The following ATP13A1 variants were observed in gnomAD, a reference collection of about 807,000 sequenced individuals.
The protein encoded by ATP13A1 is endoplasmic reticulum transmembrane helix translocase.
Under a neutral mutation model 134.8 loss-of-function variants are expected in ATP13A1, and 55 were observed. The observed-to-expected ratio is 0.41, with a 90% CI of 0.33 to 0.51. The LOEUF is 0.51. Ranked by LOEUF, ATP13A1 falls within the 20% of genes least tolerant of loss-of-function variation. ATP13A1 has a pLI of 0.29. For missense variants in ATP13A1, 1,389 were observed against 1,652.8 expected, an observed-to-expected ratio of 0.84 and a Z score of 2.77; for synonymous variants, 775 against 725.1, an observed-to-expected ratio of 1.07 and a Z score of -1.10.
rs1220385994 is a variant in ATP13A1, at chr19:19,653,938, C to G, written c.1989+31G>C. ...GATGTCACGGGCTGCCCCGCGCCCC[C>G]ACCCCTTGCCCCAGGCTGGGGCCAG... On this transcript the variant is annotated intron_variant, in intron 14 of 25. Transcript: ENST00000357324. The surrounding 1 kb of genome is among the most constrained non-coding windows in gnomAD (Gnocchi z 4.2). 5 of 1,577,632 alleles carry G rather than the reference C, an allele frequency of 3.2e-6. No individual in the cohort carries two copies. The highest frequency in any genetic ancestry group is 4.3e-6 in the Non-Finnish European group (5 of 1,162,410).
chr19:19,648,251 G>A (rs916881830), intron 19 of ATP13A1, among the ~76,000 whole-genome samples: 5 of 151,948 alleles, frequency 3.3e-5, no homozygotes, highest in Non-Finnish European at 5.9e-5. Context: ...CCCGGGAGGC[G>A]GAGGTTGCAG....
rs202135912 is a variant in ATP13A1 at position 19,656,112 on chromosome 19, G to A, written c.1155C>T (p.Phe385=). The A allele has an allele frequency of 3.5e-5, 57 of 1,613,716 alleles. No individual in the cohort carries two copies. The highest frequency in any genetic ancestry group is 4.4e-5 in the Non-Finnish European group (52 of 1,179,794). ...LQADSRLHVI[F]GGTKVVQHIP... ...TGTGCTGCACCACCTTGGTGCCCCCGAAGATGACGTGCAGCCGGGAATCAG... is the reference window on the plus strand; with the variant it reads ...TGTGCTGCACCACCTTGGTGCCCCCAAAGATGACGTGCAGCCGGGAATCAG... The change falls in exon 8 of 26, where the codon TTC becomes TTT. Residue 385 remains phenylalanine (F), a synonymous_variant. Transcript: ENST00000357324. This position sits in a 1 kb window ranked among gnomAD's most constrained non-coding sequence, Gnocchi z 4.6.
Position 19,651,790 on chromosome 19 carries a change from A to G in ATP13A1, c.2234T>C (p.Met745Thr). 6.2e-7 allele frequency: 1 copy of G among 1,612,104 alleles called. No homozygotes were observed. Among genetic ancestry groups the G allele is most frequent in the Non-Finnish European group, 8.5e-7 (1 of 1,179,046 alleles). The change falls in exon 17 of 26, where the codon ATG (methionine) becomes ACG (threonine). Residue 745 changes from methionine to threonine, a missense_variant. Transcript: ENST00000357324. ...EIQNASHRVV[M>T]ITGDNPLTAC... ...AGTGAGCGGGTTGTCTCCCGTGATC[A>G]TGACCACCTTGGGTAAAGAGGGGCA...
chr19:19,651,334 T>C (rs767572835), intron 17 of ATP13A1: 1 of 178,004 alleles, frequency 5.6e-6, no homozygotes, highest in Non-Finnish European at 1.2e-5. Flanking sequence ...ACTCGGTACA[T>C]GGGCAGCTTG....
chr19:19,661,955 C>T lies in ATP13A1; in HGVS notation c.396+1316G>A, dbSNP rs944383949. 33 of 1,382,852 alleles carry T rather than the reference C, an allele frequency of 2.4e-5. No homozygotes were observed. The Middle Eastern group carries it at 5.8e-4, about 24-fold the overall frequency. The allele number at this position is 1,382,852 out of a possible 1,614,324, so 85.7% of individuals were successfully genotyped here. ...GCGGGCACTCTGCAGATATCATCTC[C>T]GCTTCTCAAGATGGCACCCAGTAGT... On this transcript the variant is annotated intron_variant, in intron 1 of 25. Transcript: ENST00000357324.
chr19:19,646,165 T>G (rs1338422665), intron 23 of ATP13A1, 40 bp downstream of exon 23: 5 of 1,611,854 alleles, frequency 3.1e-6, no homozygotes, highest in Non-Finnish European at 3.4e-6. Context: ...CCTGCTATTC[T>G]CAGCTGCAGG....
In ATP13A1 at chr19:19,645,444, G is replaced by A. The variant is rs780899652; in HGVS notation, c.3593C>T (p.Pro1198Leu). The change falls in exon 26 of 26, where the codon CCG becomes CTG. Residue 1198 changes from proline to leucine, a missense_variant. Around this residue, in one of 4 missense-constraint regions of ATP13A1, gnomAD observed 228 missense variants for 321.0 expected, o/e 0.71. Transcript: ENST00000357324. The surrounding 1 kb of genome is among the most constrained non-coding windows in gnomAD (Gnocchi z 4.1). Reference protein sequence around the residue: ...DRVLQFFLGTPKLKVPS With the variant: ...DRVLQFFLGTLKLKVPS ...ATCTCAGGAAGGCACTTTCAGCTTC[G>A]GGGTCCCCAGGAAGAACTGCAGGAC... is the stretch of plus-strand genomic sequence containing the variant. 28 of 1,604,208 alleles carry A rather than the reference G, an allele frequency of 1.7e-5. No homozygotes were observed. The highest frequency in any genetic ancestry group is 2.0e-5 in the Non-Finnish European group (24 of 1,176,008).
At position 19,653,892 on chromosome 19, in the gene ATP13A1, G is replaced by C; in HGVS notation, c.1992C>G (p.Phe664Leu). Residue 664 changes from phenylalanine (F) to leucine (L), a missense_variant and splice_region_variant, in exon 15 of 26, where the codon TTC (phenylalanine) becomes TTG (leucine). Transcript: ENST00000357324. The surrounding 1 kb of genome is among the most constrained non-coding windows in gnomAD (Gnocchi z 4.2). Reference protein sequence around the residue: ...KGAPETLHSMFSQCPPDYHHI... With the variant: ...KGAPETLHSMLSQCPPDYHHI... ...GGTGGTAGTCGGGCGGGCACTGGGA[G>C]AACTGCAGGGAATGCAGGGGGATGT... The C allele has an allele frequency of 6.4e-7, 1 of 1,567,726 alleles. No individual in the cohort carries two copies. Among genetic ancestry groups the C allele is most frequent in the Non-Finnish European group, 8.6e-7 (1 of 1,156,974 alleles).
intron 3 of ATP13A1, among the ~76,000 whole-genome samples, chr19:19,658,602 G>A (rs1039897257): frequency 1.3e-5 from 2 of 152,178 alleles, no homozygotes; most frequent in South Asian, 4.1e-4. Flanking sequence ...CTGGGTTGAG[G>A]ACCATCGTAA....
chr19:19,662,913 C>T (rs1223446402), intron 1 of ATP13A1, among the ~76,000 whole-genome samples: 2 of 152,122 alleles, frequency 1.3e-5, no homozygotes, highest in East Asian at 3.9e-4. Flanking sequence ...GAAGGTAGGG[C>T]CGTTTCCAGA....
rs1318082012 is a variant in ATP13A1 at position 19,663,655 on chromosome 19, C to G, written c.12G>C (p.Ala4=). Residue 4 remains alanine, a synonymous_variant, in exon 1 of 26, where the codon GCG becomes GCC. Coordinates refer to ENST00000357324, the MANE Select transcript of ATP13A1 (RefSeq NM_020410.3). MAA[A]AAVGNAVPCG... Reference sequence around the variant, plus strand: ...AGGGCACCGCGTTGCCCACCGCCGCCGCTGCCGCCATCTTTCCTAGCGCCG... The same window carrying G: ...AGGGCACCGCGTTGCCCACCGCCGCGGCTGCCGCCATCTTTCCTAGCGCCG... 7.8e-7 allele frequency: 1 copy of G among 1,287,940 alleles called. No homozygotes were observed. The highest frequency in any genetic ancestry group is 1.6e-5 in the African/African-American group (1 of 64,470). 79.8% of individuals were successfully genotyped at this position (1,287,940 alleles called of 1,614,324 possible).
intron 19 of ATP13A1, among the ~76,000 whole-genome samples, chr19:19,648,722 T>C (rs1381559365): frequency 2.7e-5 from 4 of 147,232 alleles, no homozygotes; most frequent in Non-Finnish European, 3.0e-5. Flanking sequence ...AGAAGGAGAA[T>C]TGCTTGAACC....
intron 15 of ATP13A1, 136 bp from the exon 16 acceptor site, chr19:19,652,856 T>C (rs780444188): frequency 7.8e-5 from 99 of 1,271,226 alleles, no homozygotes; most frequent in Admixed American, 1.1e-4. Flanking sequence ...CATGCGAGGG[T>C]TGGGAGGGGA....
chr19:19,662,471 G>T, intron 1 of ATP13A1: 1 of 702,184 alleles, frequency 1.4e-6, no homozygotes, highest in Non-Finnish European at 1.7e-6. Context: ...ATACCTCAGT[G>T]TCCATGGCTC....
Position 19,654,716 on chromosome 19 carries a change from A to C in ATP13A1, c.1656-16T>G. The C allele has an allele frequency of 6.2e-7, 1 of 1,603,482 alleles. No homozygotes were observed. The highest frequency in any genetic ancestry group is 1.3e-5 in the African/African-American group (1 of 74,900). ...CTTCCCGTCTCTGCAAGGTCGGGGA[A>C]CAGCTGGTTACAGAGTGCAGGCGGG... On this transcript the variant is annotated splice_polypyrimidine_tract_variant and intron_variant, in intron 12 of 25. Transcript: ENST00000357324.
At chr19:19,646,073 G>C (rs2061983492) in intron 23 of ATP13A1, 88 bp from the exon 24 acceptor site, 3 of 1,591,898 alleles carry the variant, frequency 1.9e-6, no homozygotes, top group East Asian at 2.2e-5. Flanking sequence ...CACAGAGCTA[G>C]GGCTCTGCCT....
At chr19:19,646,504 T>C in intron 22 of ATP13A1, 157 bp from the exon 23 acceptor site, 4 of 889,848 alleles carry the variant, frequency 4.5e-6, no homozygotes, top group Non-Finnish European at 6.8e-6. Flanking sequence ...AGTCCCTGGA[T>C]CCCTGCCTGC....
chr19:19,646,167 AG>A, intron 23 of ATP13A1, 37 bp downstream of exon 23: 1 of 1,611,938 alleles, frequency 6.2e-7, no homozygotes, highest in Non-Finnish European at 8.5e-7. Context: ...TGCTATTCTC[AG>A]CTGCAGGGAC....
Position 19,647,703 on chromosome 19 carries a change from G to A in ATP13A1, c.2689C>T (p.Arg897Trp), listed in dbSNP as rs746767268. ...ERVVERRRRPRDSPTLSNSGI... is the reference protein window; with the variant it reads ...ERVVERRRRPWDSPTLSNSGI... The stretch of plus-strand genomic sequence containing the variant: ...CTGTTGCTCAGGGTTGGGCTGTCCC[G>A]GGGCCGCCGTCGCCGCTCGACAACC... The change falls in exon 20 of 26, where the codon CGG (arginine) becomes TGG (tryptophan). Residue 897 changes from arginine (R) to tryptophan (W), a missense_variant. Transcript: ENST00000357324. The surrounding 1 kb of genome is among the most constrained non-coding windows in gnomAD (Gnocchi z 4.8). 12 of 1,610,430 alleles carry A rather than the reference G, an allele frequency of 7.5e-6. No individual in the cohort carries two copies. The highest frequency in any genetic ancestry group is 1.7e-4 in the Middle Eastern group (1 of 5,738).
Sources: allele counts gnomAD v4.1 joint callset (sites outside exome capture counted in the v4.1 genomes callset), GRCh38; gene constraint gnomAD v4.1.1; regional missense constraint gnomAD v4.1.1; non-coding constraint Gnocchi (gnomAD v3.1); transcripts MANE v1.5; gene names NCBI Gene and HGNC (gene_info 2026-07-23, HGNC 2026-07-21).